The following PHLDB2 variants were observed in gnomAD, a reference collection of about 807,000 sequenced individuals.
PHLDB2 encodes pleckstrin homology like domain family B member 2.
PHLDB2 carries 71 observed loss-of-function variants against 123.6 expected under a neutral mutation model. The ratio of observed to expected loss-of-function variants is 0.57; its 90% CI spans 0.47 to 0.70. The LOEUF is 0.70. PHLDB2 is among the 30% of genes least tolerant of loss of function. The probability of loss-of-function intolerance (pLI) is 0.00; values close to 1 mark genes in which losing one functional copy is unlikely to be tolerated. For synonymous variants in PHLDB2, 547 were observed against 541.6 expected (o/e 1.01, Z -0.14); for missense variants, 1,446 against 1,519.5 (o/e 0.95, Z 0.80).
upstream of PHLDB2, among the ~76,000 whole-genome samples, chr3:111,857,977 T>A (rs576632194): frequency 6.6e-6 from 1 of 152,298 alleles, no homozygotes; most frequent in African/African-American, 2.4e-5. Context: ...GAATTATAAA[T>A]CATTCTACTA....
At position 111,939,472 on chromosome 3, in the gene PHLDB2, A is replaced by G; in HGVS notation, c.2131-3A>G. The G allele has an allele frequency of 1.3e-6, 2 of 1,599,498 alleles. No individual in the cohort carries two copies. Among genetic ancestry groups the G allele is most frequent in the Non-Finnish European group, 8.5e-7 (1 of 1,176,184 alleles). ...TCTTGTTTTCATTCACTTTTCTCCAAAGGATGCTGACCTGTTGGATGTTGA... is the reference window on the plus strand; with the variant it reads ...TCTTGTTTTCATTCACTTTTCTCCAGAGGATGCTGACCTGTTGGATGTTGA... On this transcript the variant is annotated splice_region_variant and splice_polypyrimidine_tract_variant and intron_variant, in intron 6 of 17. Coordinates refer to ENST00000431670, the MANE Select transcript of PHLDB2 (RefSeq NM_001134438.2).
chr3:111,907,963 A>G (rs2067654350), intron 2 of PHLDB2, among the ~76,000 whole-genome samples: 1 of 152,074 alleles, frequency 6.6e-6, no homozygotes, highest in Admixed American at 6.5e-5. Flanking sequence ...CGCCCAGGTA[A>G]TTTTTGCATT....
At chr3:111,841,139 G>A (rs921684861) in intron 1 of PHLDB2, among the ~76,000 whole-genome samples, 6 of 151,770 alleles carry the variant, frequency 4.0e-5, no homozygotes, top group Admixed American at 1.3e-4. Flanking sequence ...TCACTCTGTC[G>A]CCCAGGCTGG....
intron 1 of PHLDB2, among the ~76,000 whole-genome samples, chr3:111,752,178 A>C (rs1042971072): frequency 2.0e-5 from 3 of 151,070 alleles, no homozygotes; most frequent in Non-Finnish European, 4.4e-5. Flanking sequence ...TCTGGTTCTT[A>C]ATGCTTCTCT....
rs548795871 is a variant in PHLDB2, at chr3:111,828,267, A to C, written c.-48-17554A>C. ...ACTGAAGTCCAACTGCTTTGTAAAC[A>C]CAGAGGCAGCTGAAGTTGCCCTGCC... On this transcript the variant is annotated intron_variant, in intron 1 of 17. Coordinates refer to the PHLDB2 transcript ENST00000393923. 7.2e-5 allele frequency among the ~76,000 whole-genome samples: 11 copies of C among 152,300 alleles called. No individual in the cohort carries two copies. In the East Asian group the frequency reaches 1.7e-3, roughly 24 times the overall value.
chr3:111,842,507 T>C (rs2063739655), intron 1 of PHLDB2, among the ~76,000 whole-genome samples: 1 of 152,172 alleles, frequency 6.6e-6, no homozygotes, highest in Non-Finnish European at 1.5e-5. Flanking sequence ...TAGACAAATA[T>C]ATAATAACCT....
At chr3:111,814,908 A>G (rs894480167) in intron 1 of PHLDB2, among the ~76,000 whole-genome samples, 12 of 152,200 alleles carry the variant, frequency 7.9e-5, no homozygotes, top group Non-Finnish European at 1.3e-4. Context: ...CTCATCTTGA[A>G]TTATAACTTC....
At chr3:111,821,074 T>G (rs1576735341) in intron 1 of PHLDB2, among the ~76,000 whole-genome samples, 1 of 152,152 alleles carries the variant, frequency 6.6e-6, no homozygotes. Context: ...TCCTTTTAGG[T>G]CTTATGTGGG....
intron 5 of PHLDB2, among the ~76,000 whole-genome samples, chr3:111,926,588 T>C (rs997107952): frequency 1.7e-5 from 1 of 58,876 alleles, no homozygotes; most frequent in Non-Finnish European, 6.0e-5. Flanking sequence ...TCTGACTTTC[T>C]AGTTTTTTTT....
At chr3:111,939,171 A>T (rs1382694874) in intron 6 of PHLDB2, among the ~76,000 whole-genome samples, 1 of 152,070 alleles carries the variant, frequency 6.6e-6, no homozygotes, top group Non-Finnish European at 1.5e-5. Flanking sequence ...TGTTTAGGTT[A>T]TTTACTGAGT....
At chr3:111,935,500 AAGATAGAT>A (rs67765854) in intron 6 of PHLDB2, among the ~76,000 whole-genome samples, 16,976 of 145,668 alleles carry the variant, frequency 0.12, 1,258 homozygotes, top group Non-Finnish European at 0.17. Context: ...ATGTGTATAT[AAGATAGAT>A]AGATAGATAG....
chr3:111,956,287 A>G (rs1332467323), intron 12 of PHLDB2, among the ~76,000 whole-genome samples: 1 of 152,248 alleles, frequency 6.6e-6, no homozygotes, highest in African/African-American at 2.4e-5. Flanking sequence ...CTCAAGAGCC[A>G]TTAACATTAC....
chr3:111,795,380 T>C (rs2108226909), intron 1 of PHLDB2, among the ~76,000 whole-genome samples: 1 of 152,248 alleles, frequency 6.6e-6, no homozygotes, highest in South Asian at 2.1e-4. Flanking sequence ...AGACCTATGG[T>C]CCATTTGAAT....
chr3:111,912,776 A>AT (rs2067963782), intron 2 of PHLDB2, among the ~76,000 whole-genome samples: 1 of 152,240 alleles, frequency 6.6e-6, no homozygotes, highest in African/African-American at 2.4e-5. Context: ...TTGAAGGTAG[A>AT]TAAGTAGAGC....
intron 4 of PHLDB2, among the ~76,000 whole-genome samples, chr3:111,919,749 G>A (rs978766976): frequency 1.1e-4 from 16 of 152,290 alleles, no homozygotes; most frequent in African/African-American, 3.4e-4. Context: ...CATGAGAAGG[G>A]GCACGTAATT....
chr3:111,936,169 G>A (rs774868), intron 6 of PHLDB2, among the ~76,000 whole-genome samples: 151,045 of 152,322 alleles, frequency 0.99, 74,903 homozygotes, highest in Middle Eastern at 1. Context: ...AACTTCTGCC[G>A]TATACATTAT....
chr3:111,816,407 C>T (rs1226941513), intron 1 of PHLDB2, among the ~76,000 whole-genome samples: 1 of 152,202 alleles, frequency 6.6e-6, no homozygotes, highest in African/African-American at 2.4e-5. Flanking sequence ...CTTCCCAAGA[C>T]TATGGGAACC....
At chr3:111,821,840 T>C (rs2062399225) in intron 1 of PHLDB2, among the ~76,000 whole-genome samples, 1 of 152,196 alleles carries the variant, frequency 6.6e-6, no homozygotes, top group African/African-American at 2.4e-5. Context: ...TAAAGTTCTA[T>C]TTGAACATGT....
intron 2 of PHLDB2, among the ~76,000 whole-genome samples, chr3:111,907,480 G>A (rs2067614322): frequency 6.6e-6 from 1 of 152,018 alleles, no homozygotes; most frequent in Non-Finnish European, 1.5e-5. Flanking sequence ...AGTACCCACA[G>A]GTTTTTTGTT....
Sources: allele counts gnomAD v4.1 joint callset (sites outside exome capture counted in the v4.1 genomes callset), GRCh38; gene constraint gnomAD v4.1.1; transcripts MANE v1.5; gene names NCBI Gene and HGNC (gene_info 2026-07-23, HGNC 2026-07-21).